The following PCDHA10 variants were observed in gnomAD, a reference collection of about 807,000 sequenced individuals.
PCDHA10 encodes the protein protocadherin alpha 10.
A neutral mutation model predicts 61.2 loss-of-function variants in PCDHA10; 45 were observed. That is an observed-to-expected ratio of 0.74 (90% CI 0.58 to 0.94). The LOEUF (loss-of-function observed/expected upper bound fraction) is 0.94. Ranked by LOEUF, PCDHA10 falls within the 40% of genes least tolerant of loss-of-function variation. PCDHA10 has a pLI of 0.00. For missense variants in PCDHA10, 1,278 were observed against 1,236.2 expected (o/e 1.03, Z -0.51); for synonymous variants, 602 against 548.8 (o/e 1.10, Z -1.35).
Position 140,908,048 on chromosome 5 carries a change from C to T in PCDHA10, c.2388+49612C>T, listed in dbSNP as rs143198443. On this transcript the variant is annotated intron_variant, in intron 1 of 3. Transcript: ENST00000307360. The stretch of plus-strand genomic sequence containing the variant: ...ATTAATCAGTATATAATTGCACATC[C>T]GGCCATTTCTCCTTCATGAAAAGTG... 1.1e-3 allele frequency among the ~76,000 whole-genome samples: 169 copies of T among 152,294 alleles called. 1 individual carries two copies. The East Asian group carries it at 0.023, about 21-fold the overall frequency.
At chr5:140,951,289 T>C (rs546786558) in intron 1 of PCDHA10, among the ~76,000 whole-genome samples, 12 of 152,232 alleles carry the variant, frequency 7.9e-5, no homozygotes, top group Non-Finnish European at 1.3e-4. Context: ...TTTTGGATTA[T>C]ATCTTGATAT....
intron 1 of PCDHA10, chr5:140,862,887 G>C (rs781965401): frequency 2.7e-5 from 15 of 562,992 alleles, no homozygotes; most frequent in South Asian, 1.8e-4. Flanking sequence ...GTGCTGGAAC[G>C]ACAACTTTGT....
intron 1 of PCDHA10, chr5:140,876,527 T>C (rs2056400042): frequency 6.2e-6 from 10 of 1,614,112 alleles, no homozygotes; most frequent in Non-Finnish European, 7.6e-6. Context: ...GAAGTAATGG[T>C]TACTTCACTG....
At chr5:140,946,038 G>T (rs782421286) in intron 1 of PCDHA10, among the ~76,000 whole-genome samples, 29 of 152,042 alleles carry the variant, frequency 1.9e-4, no homozygotes, top group Non-Finnish European at 4.0e-4. Flanking sequence ...CAAGAGTGAA[G>T]GGACAATCCA....
intron 1 of PCDHA10, among the ~76,000 whole-genome samples, chr5:140,972,660 A>ATT (rs11350929): frequency 4.2e-4 from 49 of 117,232 alleles, no homozygotes; most frequent in Non-Finnish European, 5.7e-4. Context: ...AAGAAACCAA[A>ATT]TTTTTTTTTT....
At chr5:140,875,648 T>C in intron 1 of PCDHA10, 1 of 1,613,728 alleles carries the variant, frequency 6.2e-7, no homozygotes, top group Non-Finnish European at 8.5e-7. Flanking sequence ...CTGGCGGAGC[T>C]GGTGCCGCGC....
Position 140,974,796 on chromosome 5 carries a change from G to T in PCDHA10, c.2389-4153G>T, listed in dbSNP as rs2096640726. On this transcript the variant is annotated intron_variant, in intron 1 of 3. Transcript: ENST00000307360. The stretch of plus-strand genomic sequence containing the variant: ...AGCCACTGCGCCCAGCCCTCATTTT[G>T]ATATACTAGAAGACCAATATGCAAC... Among the ~76,000 whole-genome samples the T allele has an allele frequency of 2.6e-5, 4 of 152,194 alleles. No individual in the cohort carries two copies. In the South Asian group the frequency reaches 8.3e-4, roughly 32 times the overall value.
In PCDHA10 at chr5:140,858,449, G is replaced by C; in HGVS notation, c.2388+13G>C. On this transcript the variant is annotated intron_variant, in intron 1 of 3. Transcript: ENST00000307360. ...CCACTCTAGGAAGGTGGGTTATTAC[G>C]TTTTCATTTTCCTTTTGTGCTTTAT... The C allele has an allele frequency of 6.5e-7, 1 of 1,532,030 alleles. No homozygotes were observed. Among genetic ancestry groups the C allele is most frequent in the East Asian group, 2.4e-5 (1 of 41,290 alleles). 94.9% of individuals were successfully genotyped at this position (1,532,030 alleles called of 1,614,324 possible).
chr5:140,984,478 A>G (rs1374350616), intron 3 of PCDHA10, among the ~76,000 whole-genome samples: 1 of 152,078 alleles, frequency 6.6e-6, no homozygotes, highest in Non-Finnish European at 1.5e-5. Flanking sequence ...TGTATAACCC[A>G]TTTTATCCAG....
In PCDHA10 at chr5:140,857,722, C is replaced by A. The variant is rs371525843; in HGVS notation, c.1674C>A (p.Asn558Lys). The A allele has an allele frequency of 6.9e-6, 11 of 1,597,318 alleles. 1 individual carries two copies. Among genetic ancestry groups the A allele is most frequent in the Non-Finnish European group, 9.4e-6 (11 of 1,167,728 alleles). Residue 558 changes from asparagine to lysine, a missense_variant, in exon 1 of 4, where the codon AAC becomes AAA. Coordinates refer to ENST00000307360, the MANE Select transcript of PCDHA10 (RefSeq NM_018901.4). ...TGCAGGTGTTCGTGCTGGACGAGAA[C>A]GACAACGCTCCCGCGCTGCTGGCGT... is the stretch of plus-strand genomic sequence containing the variant. ...LTLQVFVLDENDNAPALLASP... is the reference protein window; with the variant it reads ...LTLQVFVLDEKDNAPALLASP...
At chr5:140,943,529 A>T (rs1291911076) in intron 1 of PCDHA10, among the ~76,000 whole-genome samples, 1 of 152,220 alleles carries the variant, frequency 6.6e-6, no homozygotes, top group Non-Finnish European at 1.5e-5. Context: ...TCAGTATGCA[A>T]AATGTCATGT....
At chr5:140,927,808 T>A (rs782535814) in intron 1 of PCDHA10, 1 of 1,614,208 alleles carries the variant, frequency 6.2e-7, no homozygotes, top group African/African-American at 1.3e-5. Context: ...TGAAACGCTC[T>A]TGGAGGCATA....
chr5:140,908,287 C>G (rs781987945), intron 1 of PCDHA10, among the ~76,000 whole-genome samples: 1 of 152,136 alleles, frequency 6.6e-6, no homozygotes, highest in African/African-American at 2.4e-5. Flanking sequence ...TTGTTGCAAG[C>G]TGGGGAAGAG....
rs142468733 is a variant in PCDHA10 at position 140,884,535 on chromosome 5, C to G, written c.2388+26099C>G. 4,368 of 1,614,034 alleles carry G rather than the reference C, an allele frequency of 2.7e-3. 82 individuals are homozygous for G. The South Asian group carries it at 0.038, about 14-fold the overall frequency. On this transcript the variant is annotated intron_variant, in intron 1 of 3. Coordinates refer to ENST00000307360, the MANE Select transcript of PCDHA10 (RefSeq NM_018901.4). ...TGGTCGTACTCGCAGCAGAGGCGGC[C>G]GAGGGTGTGCTCTGGGGAGGGCCCG...
At chr5:140,982,191 T>C (rs1431582069) in intron 2 of PCDHA10, among the ~76,000 whole-genome samples, 2 of 152,266 alleles carry the variant, frequency 1.3e-5, no homozygotes, top group Non-Finnish European at 2.9e-5. Flanking sequence ...ATGGGCTTCC[T>C]GTTAGATTTA....
chr5:140,874,187 C>A (rs1554167080), intron 1 of PCDHA10, among the ~76,000 whole-genome samples: 1 of 152,168 alleles, frequency 6.6e-6, no homozygotes, highest in Non-Finnish European at 1.5e-5. Context: ...GTAAAGGTGT[C>A]ATATTTCAGT....
Position 140,943,173 on chromosome 5 carries a change from G to A in PCDHA10, c.2389-35776G>A, listed in dbSNP as rs143950290. On this transcript the variant is annotated intron_variant, in intron 1 of 3. Coordinates refer to ENST00000307360, the MANE Select transcript of PCDHA10 (RefSeq NM_018901.4). ...CTCTGGAGGCTGAGGCAGGAAAATC[G>A]CTTGAACCCTGGAGGTGGAGGCTGC... is the stretch of plus-strand genomic sequence containing the variant. Among the ~76,000 whole-genome samples the A allele has an allele frequency of 5.6e-3, 834 of 148,712 alleles. 7 individuals are homozygous for A. Among genetic ancestry groups the A allele is most frequent in the African/African-American group, 0.019 (751 of 40,052 alleles).
intron 1 of PCDHA10, chr5:140,871,184 A>G (rs2052793987): frequency 6.2e-7 from 1 of 1,613,434 alleles, no homozygotes; most frequent in African/African-American, 1.3e-5. Context: ...GCGCTGGTGG[A>G]TGTCAACGTG....
intron 3 of PCDHA10, among the ~76,000 whole-genome samples, chr5:140,996,747 T>C (rs940274322): frequency 1.3e-5 from 2 of 152,190 alleles, no homozygotes; most frequent in Non-Finnish European, 2.9e-5. Flanking sequence ...TAACAAATTA[T>C]ATCTGTGCAG....
Sources: allele counts gnomAD v4.1 joint callset (sites outside exome capture counted in the v4.1 genomes callset), GRCh38; gene constraint gnomAD v4.1.1; transcripts MANE v1.5; gene names NCBI Gene and HGNC (gene_info 2026-07-23, HGNC 2026-07-21).